CACNG3: variants seen among roughly 807,000 people sequenced by gnomAD.
The protein encoded by CACNG3 is voltage-dependent calcium channel gamma-3 subunit.
CACNG3 carries 3 observed loss-of-function variants against 28.5 expected under a neutral mutation model. That is an observed-to-expected ratio of 0.11 (90% CI 0.05 to 0.27). The LOEUF (loss-of-function observed/expected upper bound fraction) is 0.27. Ranked by LOEUF, CACNG3 falls within the 10% of genes least tolerant of loss-of-function variation. The probability of loss-of-function intolerance (pLI) is 1.00; values close to 1 mark genes in which losing one functional copy is unlikely to be tolerated. For missense variants in CACNG3, 236 were observed against 414.4 expected (o/e 0.57, Z 3.74); for synonymous variants, 174 against 162.2 (o/e 1.07, Z -0.55).
intron 1 of CACNG3, among the ~76,000 whole-genome samples, chr16:24,345,560 C>A (rs1297321634): frequency 6.6e-6 from 1 of 152,096 alleles, no homozygotes; most frequent in Non-Finnish European, 1.5e-5. Context: ...ATTAGCCGGG[C>A]ATGGTGGCAG....
At chr16:24,318,355 C>A (rs1473917281) in intron 1 of CACNG3, among the ~76,000 whole-genome samples, 2 of 152,138 alleles carry the variant, frequency 1.3e-5, no homozygotes, top group Non-Finnish European at 2.9e-5. Flanking sequence ...CCACACCTGG[C>A]TAATTTTTGT....
At chr16:24,291,550 G>C (rs774890389) in intron 1 of CACNG3, among the ~76,000 whole-genome samples, 2 of 152,158 alleles carry the variant, frequency 1.3e-5, no homozygotes, top group Admixed American at 1.3e-4. Flanking sequence ...TGAATGAAAG[G>C]CCACTTCAGG....
chr16:24,321,762 G>C (rs778495454), intron 1 of CACNG3, among the ~76,000 whole-genome samples: 7 of 152,192 alleles, frequency 4.6e-5, no homozygotes, highest in Admixed American at 2.0e-4. Context: ...AAGTTTTGCT[G>C]TCACATCTCA....
At chr16:24,318,161 G>T (rs114819436) in intron 1 of CACNG3, among the ~76,000 whole-genome samples, 1 of 152,026 alleles carries the variant, frequency 6.6e-6, no homozygotes, top group East Asian at 1.9e-4. Flanking sequence ...TGCTTAACAC[G>T]TAGGAGGCAC....
intron 1 of CACNG3, among the ~76,000 whole-genome samples, chr16:24,319,866 G>T (rs1371649418): frequency 6.6e-6 from 1 of 152,084 alleles, no homozygotes; most frequent in Non-Finnish European, 1.5e-5. Context: ...CGCCTCATGG[G>T]TTCAAGCGAT....
At chr16:24,290,912 A>T (rs1333950845) in intron 1 of CACNG3, among the ~76,000 whole-genome samples, 1 of 152,188 alleles carries the variant, frequency 6.6e-6, no homozygotes, top group Non-Finnish European at 1.5e-5. Context: ...TCCTAAGAGG[A>T]TGATGTGTCA....
Position 24,295,271 on chromosome 16 carries a change from G to A in CACNG3, c.211+38306G>A, listed in dbSNP as rs563032099. On this transcript the variant is annotated intron_variant, in intron 1 of 3. Transcript: ENST00000005284. The stretch of plus-strand genomic sequence containing the variant: ...GCTATGGTATGTCAAAACTACTACC[G>A]AGATGCCAGCTTCAGAATGGGGTTT... 1.2e-4 allele frequency among the ~76,000 whole-genome samples: 19 copies of A among 152,186 alleles called. 1 individual carries two copies. Among genetic ancestry groups the A allele is most frequent in the Admixed American group, 9.2e-4 (14 of 15,274 alleles).
chr16:24,268,922 C>T (rs527986214), intron 1 of CACNG3, among the ~76,000 whole-genome samples: 4 of 152,294 alleles, frequency 2.6e-5, no homozygotes, highest in African/African-American at 9.6e-5. Context: ...AGGTTTTGGG[C>T]TTGGATGACT....
At chr16:24,284,448 A>G (rs1567210127) in intron 1 of CACNG3, among the ~76,000 whole-genome samples, 1 of 152,264 alleles carries the variant, frequency 6.6e-6, no homozygotes, top group African/African-American at 2.4e-5. Context: ...GTTTTAGTCT[A>G]GGGTTAAATA....
chr16:24,315,780 T>C (rs561407574), intron 1 of CACNG3, among the ~76,000 whole-genome samples: 146 of 152,170 alleles, frequency 9.6e-4, no homozygotes, highest in African/African-American at 3.1e-3. Context: ...TGCCTCAGTC[T>C]CCCAAGTAGC....
intron 1 of CACNG3, among the ~76,000 whole-genome samples, chr16:24,338,597 G>A (rs532153663): frequency 1.3e-3 from 198 of 152,098 alleles, no homozygotes; most frequent in Non-Finnish European, 2.1e-3. Context: ...TGCCTGCCTC[G>A]GCCTCCCAAA....
chr16:24,346,110 G>A (rs1899862529), intron 1 of CACNG3, among the ~76,000 whole-genome samples: 1 of 152,160 alleles, frequency 6.6e-6, no homozygotes, highest in Non-Finnish European at 1.5e-5. Context: ...GAGGAGAGGG[G>A]AAAGATAAGA....
intron 1 of CACNG3, among the ~76,000 whole-genome samples, chr16:24,288,313 C>T (rs1898921270): frequency 6.6e-6 from 1 of 152,116 alleles, no homozygotes; most frequent in Admixed American, 6.5e-5. Context: ...CTCATTTAAT[C>T]CCAAGCACAA....
intron 2 of CACNG3, among the ~76,000 whole-genome samples, chr16:24,353,036 G>T (rs1414844295): frequency 6.6e-6 from 1 of 152,164 alleles, no homozygotes; most frequent in South Asian, 2.1e-4. Flanking sequence ...GTGTAATGGC[G>T]CAATTTTCAA....
chr16:24,266,527 A>G lies in CACNG3; in HGVS notation c.211+9562A>G, dbSNP rs76739767. The stretch of plus-strand genomic sequence containing the variant: ...ACTGTACACAAGAAATGCCAGAAAA[A>G]CACAAGGAAGAAAAAGAGGGAAAAC... On this transcript the variant is annotated intron_variant, in intron 1 of 3. Coordinates refer to ENST00000005284, the MANE Select transcript of CACNG3 (RefSeq NM_006539.4). Among the ~76,000 whole-genome samples the G allele has an allele frequency of 1.8e-4, 27 of 152,350 alleles. No homozygotes were observed. In the East Asian group the frequency reaches 4.0e-3, roughly 23 times the overall value.
intron 1 of CACNG3, among the ~76,000 whole-genome samples, chr16:24,317,713 AAAAG>A (rs1233733057): frequency 3.2e-5 from 2 of 61,648 alleles, no homozygotes; most frequent in African/African-American, 1.6e-4. Context: ...AGAAAGAAAG[AAAAG>A]AAAGAAAAGA....
chr16:24,284,466 T>C (rs1429412014), intron 1 of CACNG3, among the ~76,000 whole-genome samples: 5 of 152,226 alleles, frequency 3.3e-5, no homozygotes, highest in African/African-American at 7.2e-5. Context: ...ATAGTGTGAT[T>C]GCTTATAATT....
chr16:24,282,459 T>C (rs1235842342), intron 1 of CACNG3, among the ~76,000 whole-genome samples: 2 of 151,984 alleles, frequency 1.3e-5, no homozygotes, highest in African/African-American at 4.8e-5. Context: ...GTATATTTAG[T>C]AGAGATGGGG....
chr16:24,344,292 C>T (rs1223090966), intron 1 of CACNG3, among the ~76,000 whole-genome samples: 2 of 151,866 alleles, frequency 1.3e-5, no homozygotes, highest in Non-Finnish European at 1.5e-5. Context: ...ATTAGCCAGG[C>T]CTGGTGGTCG....
Sources: allele counts gnomAD v4.1 joint callset (sites outside exome capture counted in the v4.1 genomes callset), GRCh38; gene constraint gnomAD v4.1.1; transcripts MANE v1.5; gene names NCBI Gene and HGNC (gene_info 2026-07-23, HGNC 2026-07-21).